NBAS: variants seen among roughly 807,000 people sequenced by gnomAD.
The protein encoded by NBAS is NBAS subunit of NRZ tethering complex.
Under a neutral mutation model 302.5 loss-of-function variants are expected in NBAS, and 219 were observed. The observed-to-expected ratio is 0.72, with a 90% CI of 0.65 to 0.81. The LOEUF (loss-of-function observed/expected upper bound fraction) is 0.81. NBAS is among the 30% of genes least tolerant of loss of function. NBAS has a pLI of 0.00. For missense variants in NBAS, 2,932 were observed against 2,841.6 expected, an observed-to-expected ratio of 1.03 and a Z score of -0.72; for synonymous variants, 1,118 against 1,021.6, an observed-to-expected ratio of 1.09 and a Z score of -1.80.
chr2:14,987,545 A>G, the NBAS span, among the ~76,000 whole-genome samples: 1 of 152,022 alleles, frequency 6.6e-6, no homozygotes, highest in Non-Finnish European at 1.5e-5. Flanking sequence ...TTATATTCAT[A>G]TCTTTTGGGA....
the NBAS span, among the ~76,000 whole-genome samples, chr2:14,869,911 TCA>T: frequency 2.0e-5 from 3 of 152,166 alleles, no homozygotes; most frequent in Non-Finnish European, 4.4e-5. Context: ...GGGACTTTCA[TCA>T]CAGAGTCAAC....
intron 23 of NBAS, among the ~76,000 whole-genome samples, chr2:15,421,322 G>A (rs937500857): frequency 8.5e-4 from 129 of 152,060 alleles, no homozygotes; most frequent in Non-Finnish European, 1.8e-4. Flanking sequence ...TGAATCTGTT[G>A]CCTTCCCAAA....
At chr2:15,538,316 G>T in intron 7 of NBAS, 1 of 469,550 alleles carries the variant, frequency 2.1e-6, no homozygotes, top group Non-Finnish European at 4.3e-6. Flanking sequence ...TCCTTATTTT[G>T]GCTAAGATTC....
chr2:15,273,953 G>A (rs1442919571), intron 44 of NBAS, among the ~76,000 whole-genome samples: 1 of 151,824 alleles, frequency 6.6e-6, no homozygotes, highest in Non-Finnish European at 1.5e-5. Flanking sequence ...ATGGTGGCGG[G>A]CTCCTGTAGT....
chr2:15,303,524 C>T (rs1670900140), intron 40 of NBAS, among the ~76,000 whole-genome samples: 2 of 152,276 alleles, frequency 1.3e-5, no homozygotes, highest in South Asian at 4.1e-4. Context: ...CAGTATTTTG[C>T]TTTATTTCTT....
chr2:15,485,458 T>C (rs917825280), intron 12 of NBAS, among the ~76,000 whole-genome samples: 1 of 152,198 alleles, frequency 6.6e-6, no homozygotes, highest in East Asian at 1.9e-4. Flanking sequence ...CTTCCACTTA[T>C]CTTTTTGTTG....
chr2:14,981,558 C>G, the NBAS span, among the ~76,000 whole-genome samples: 1 of 152,204 alleles, frequency 6.6e-6, no homozygotes, highest in African/African-American at 2.4e-5. Flanking sequence ...TCCTTGGGTA[C>G]CTGCTACCCA....
Position 15,300,603 on chromosome 2 carries a change from A to G in NBAS, c.4797+7613T>C, listed in dbSNP as rs533192612. Among the ~76,000 whole-genome samples the G allele has an allele frequency of 2.6e-4, 39 of 152,328 alleles. 1 individual carries two copies. The highest frequency in any genetic ancestry group is 2.3e-3 in the Admixed American group (35 of 15,306). ...GCTGTCCTGACATGCAGCACTTGACATGACTCCTGAACTCATCTACATACC... is the reference window on the plus strand; with the variant it reads ...GCTGTCCTGACATGCAGCACTTGACGTGACTCCTGAACTCATCTACATACC... On this transcript the variant is annotated intron_variant, in intron 40 of 51. Transcript: ENST00000281513.
At chr2:14,920,262 G>T in the NBAS span, among the ~76,000 whole-genome samples, 1 of 151,998 alleles carries the variant, frequency 6.6e-6, no homozygotes, top group Non-Finnish European at 1.5e-5. Flanking sequence ...CTTTTTTTCT[G>T]GGCAGTAGGT....
chr2:15,373,295 A>C (rs746001062), intron 31 of NBAS, among the ~76,000 whole-genome samples: 47 of 152,200 alleles, frequency 3.1e-4, no homozygotes, highest in Admixed American at 2.6e-3. Context: ...TTTCCAAACA[A>C]TGATATTCAA....
chr2:15,427,160 C>CA lies in NBAS; in HGVS notation c.2423+550dup, dbSNP rs375561297. ...CTCAATGCATGAGTCAAAAAAAGCA[C>CA]AAACCTCTTGTCTCACATGAAAAAA... On this transcript the variant is annotated intron_variant, in intron 22 of 51. Transcript: ENST00000281513. Among the ~76,000 whole-genome samples, 322 of 152,110 alleles carry CA rather than the reference C, an allele frequency of 2.1e-3. 1 individual carries two copies. Among genetic ancestry groups the CA allele is most frequent in the Non-Finnish European group, 3.6e-3 (245 of 67,986 alleles).
At chr2:14,864,307 C>T in the NBAS span, among the ~76,000 whole-genome samples, 21 of 138,210 alleles carry the variant, frequency 1.5e-4, no homozygotes, top group Admixed American at 3.8e-4. Flanking sequence ...GGTGACAGAG[C>T]GAGGCTCCAT....
the NBAS span, among the ~76,000 whole-genome samples, chr2:14,958,836 C>T: frequency 7.9e-5 from 12 of 152,068 alleles, no homozygotes; most frequent in Admixed American, 7.9e-4. Flanking sequence ...CTACCAGGTC[C>T]ATAAAAATAG....
At chr2:14,934,458 T>C in the NBAS span, among the ~76,000 whole-genome samples, 2 of 152,262 alleles carry the variant, frequency 1.3e-5, no homozygotes, top group Admixed American at 6.5e-5. Context: ...TCCTTTTCTA[T>C]AAGTCTATTG....
chr2:15,138,436 C>T, the NBAS span, among the ~76,000 whole-genome samples: 2 of 152,118 alleles, frequency 1.3e-5, no homozygotes, highest in Admixed American at 6.5e-5. Context: ...AGATCAGCCT[C>T]ATGGACAAAA....
chr2:15,179,038 CTCGGCTCTCGAGGA>C lies in NBAS; in HGVS notation c.6776_6789del (p.Leu2259ArgfsTer2). On this transcript the variant is annotated frameshift_variant, in exon 51 of 52. Coordinates refer to ENST00000281513, the MANE Select transcript of NBAS (RefSeq NM_015909.4). LOFTEE classifies it high-confidence loss of function. ...AGTGCCATCTCGTGCAGATGCTCAT[CTCGGCTCTCGAGGA>C]GAAGTTTCAGAGATGGAAGCAGGAG... 1.2e-6 allele frequency: 2 copies of C among 1,614,032 alleles called. No homozygotes were observed. Among genetic ancestry groups the C allele is most frequent in the Non-Finnish European group, 1.7e-6 (2 of 1,180,030 alleles).
At chr2:15,194,934 T>C (rs908197066) in intron 48 of NBAS, among the ~76,000 whole-genome samples, 13 of 152,098 alleles carry the variant, frequency 8.5e-5, no homozygotes, top group African/African-American at 2.9e-4. Context: ...TACAGATAAA[T>C]TGTCTATATA....
At chr2:15,087,566 T>G in the NBAS span, among the ~76,000 whole-genome samples, 5 of 152,136 alleles carry the variant, frequency 3.3e-5, no homozygotes, top group African/African-American at 1.2e-4. Context: ...TAGTAAATGT[T>G]CTCAGAGAAC....
chr2:15,455,949 G>A (rs1378810539), intron 21 of NBAS, among the ~76,000 whole-genome samples: 1 of 152,048 alleles, frequency 6.6e-6, no homozygotes, highest in Non-Finnish European at 1.5e-5. Flanking sequence ...CTGCCAAAAT[G>A]CTTCTTCTAA....
Sources: gnomAD v4.1 joint callset for allele counts (sites outside exome capture counted in the v4.1 genomes callset) on GRCh38, gnomAD v4.1.1 for gene constraint, MANE v1.5 for transcripts, NCBI Gene and HGNC (gene_info 2026-07-23, HGNC 2026-07-21) for gene names.